Variants in SNTG2 observed in about 807,000 individuals in gnomAD.
The protein encoded by SNTG2 is gamma-2-syntrophin.
In SNTG2, 74 loss-of-function variants were observed where a neutral mutation model predicts 70.9. The observed-to-expected ratio is 1.04, with a 90% CI of 0.86 to 1.27. The LOEUF is 1.27. SNTG2 is among the 50% of genes most tolerant of loss of function. SNTG2 has a pLI of 0.00. For missense variants in SNTG2, 717 were observed against 690.7 expected, an observed-to-expected ratio of 1.04 and a Z score of -0.43; for synonymous variants, 278 against 273.8, an observed-to-expected ratio of 1.02 and a Z score of -0.15.
intron 6 of SNTG2, among the ~76,000 whole-genome samples, chr2:1,164,836 CGGA>C (rs142885855): frequency 5.9e-5 from 9 of 151,656 alleles, no homozygotes. Context: ...TACCTGGCCT[CGGA>C]GGAGGAGGAT....
At chr2:1,360,805 A>G (rs1661098191) in intron 16 of SNTG2, among the ~76,000 whole-genome samples, 2 of 152,104 alleles carry the variant, frequency 1.3e-5, no homozygotes, top group Admixed American at 1.3e-4. Flanking sequence ...TTTTCTTTCA[A>G]TATTTGTAGA....
intron 16 of SNTG2, among the ~76,000 whole-genome samples, chr2:1,366,220 CAAAG>C (rs1379616168): frequency 6.6e-6 from 1 of 152,104 alleles, no homozygotes; most frequent in Non-Finnish European, 1.5e-5. Flanking sequence ...GTTATGCAAA[CAAAG>C]AAGAAAGACA....
Position 1,062,264 on chromosome 2 carries a change from C to T in SNTG2, c.73-21254C>T, listed in dbSNP as rs533548334. ...GAACATGATCAAGCCCACTCTCAGC[C>T]GTGCACCAAGGATATACTTTTGTTG... On this transcript the variant is annotated intron_variant, in intron 1 of 16. Coordinates refer to ENST00000308624, the MANE Select transcript of SNTG2 (RefSeq NM_018968.4). Among the ~76,000 whole-genome samples, 6 of 152,236 alleles carry T rather than the reference C, an allele frequency of 3.9e-5. No homozygotes were observed. In the East Asian group the frequency reaches 5.8e-4, roughly 15 times the overall value.
chr2:1,218,017 G>A (rs112144963), intron 9 of SNTG2, among the ~76,000 whole-genome samples: 2,232 of 152,018 alleles, frequency 0.015, 53 homozygotes, highest in African/African-American at 0.049. Flanking sequence ...CAGGGTTGCT[G>A]GCAGAATTCA....
At chr2:1,348,544 C>A (rs1282217722) in intron 16 of SNTG2, among the ~76,000 whole-genome samples, 1 of 152,230 alleles carries the variant, frequency 6.6e-6, no homozygotes, top group Non-Finnish European at 1.5e-5. Context: ...CAATTGTCAA[C>A]AAGAAAATTT....
At chr2:1,301,528 C>T (rs965174190) in intron 14 of SNTG2, among the ~76,000 whole-genome samples, 1 of 152,086 alleles carries the variant, frequency 6.6e-6, no homozygotes, top group African/African-American at 2.4e-5. Flanking sequence ...AATTCCATAC[C>T]CAGATCCTTA....
intron 1 of SNTG2, among the ~76,000 whole-genome samples, chr2:982,471 A>G (rs1661138298): frequency 6.6e-6 from 1 of 151,904 alleles, no homozygotes; most frequent in Admixed American, 6.6e-5. Context: ...AACACCGGAG[A>G]CTCTGCAGGT....
chr2:1,251,615 C>CCA (rs1019474976), intron 12 of SNTG2, among the ~76,000 whole-genome samples: 1 of 148,230 alleles, frequency 6.7e-6, no homozygotes, highest in Non-Finnish European at 1.5e-5. Flanking sequence ...CATGCACACA[C>CCA]CACACACACC....
intron 1 of SNTG2, among the ~76,000 whole-genome samples, chr2:965,329 A>G (rs1169654711): frequency 4.5e-5 from 5 of 111,586 alleles, no homozygotes; most frequent in Admixed American, 9.2e-5. Flanking sequence ...CTTGGACCCC[A>G]ATCCTCCTCC....
chr2:1,137,068 A>T (rs2148330162), intron 4 of SNTG2, among the ~76,000 whole-genome samples: 1 of 152,340 alleles, frequency 6.6e-6, no homozygotes, highest in African/African-American at 2.4e-5. Context: ...GTCTTCTGTG[A>T]CTGGAAGGCA....
chr2:1,055,710 T>C (rs1261251788), intron 1 of SNTG2, among the ~76,000 whole-genome samples: 1 of 152,202 alleles, frequency 6.6e-6, no homozygotes, highest in Non-Finnish European at 1.5e-5. Flanking sequence ...GGAACAGTAA[T>C]TGATCTTATC....
intron 3 of SNTG2, 27 bp downstream of exon 3, chr2:1,098,279 G>C (rs11127460): frequency 4.3e-6 from 7 of 1,613,466 alleles, no homozygotes; most frequent in African/African-American, 1.3e-5. Flanking sequence ...CTCTATTCCT[G>C]CTTTTTATTT....
At chr2:1,154,956 C>CCA (rs140078047) in intron 6 of SNTG2, among the ~76,000 whole-genome samples, 6,574 of 146,968 alleles carry the variant, frequency 0.045, 259 homozygotes, top group South Asian at 0.17. Flanking sequence ...TAAACTCACA[C>CCA]CACACACAAA....
At chr2:956,296 G>A (rs1660156694) in intron 1 of SNTG2, among the ~76,000 whole-genome samples, 1 of 148,222 alleles carries the variant, frequency 6.7e-6, no homozygotes, top group South Asian at 2.1e-4. Context: ...CCCTGCGCCT[G>A]CCCCTGCTGG....
chr2:1,077,300 G>A lies in SNTG2; in HGVS notation c.73-6218G>A, dbSNP rs558636139. Among the ~76,000 whole-genome samples, 3 of 152,268 alleles carry A rather than the reference G, an allele frequency of 2.0e-5. No individual in the cohort carries two copies. The South Asian group carries it at 6.2e-4, about 32-fold the overall frequency. On this transcript the variant is annotated intron_variant, in intron 1 of 16. Transcript: ENST00000308624. The stretch of plus-strand genomic sequence containing the variant: ...TCACACACACCTGCCAACACCATAT[G>A]GACGTCCATGTCCGCACGTCTTTGC...
intron 9 of SNTG2, among the ~76,000 whole-genome samples, chr2:1,237,290 A>G (rs1335762026): frequency 6.6e-6 from 1 of 152,158 alleles, no homozygotes; most frequent in Non-Finnish European, 1.5e-5. Context: ...TGTACATGAC[A>G]TTTCTCTTTT....
intron 1 of SNTG2, among the ~76,000 whole-genome samples, chr2:972,196 A>C (rs767091422): frequency 6.6e-6 from 1 of 152,096 alleles, no homozygotes; most frequent in Non-Finnish European, 1.5e-5. Context: ...ATGTCTCTCT[A>C]GTTTTTGGCC....
chr2:1,263,157 C>G (rs1352480466), intron 13 of SNTG2, among the ~76,000 whole-genome samples: 1 of 152,090 alleles, frequency 6.6e-6, no homozygotes, highest in Non-Finnish European at 1.5e-5. Flanking sequence ...TCAGAGGAAT[C>G]AAAGAGCTAT....
chr2:959,654 C>T (rs1274108142), intron 1 of SNTG2, among the ~76,000 whole-genome samples: 1 of 150,218 alleles, frequency 6.7e-6, no homozygotes, highest in African/African-American at 2.5e-5. Flanking sequence ...GTGAACGGAG[C>T]AGACCAGTGT....
Sources: allele counts gnomAD v4.1 joint callset (sites outside exome capture counted in the v4.1 genomes callset), GRCh38; gene constraint gnomAD v4.1.1; transcripts MANE v1.5; gene names NCBI Gene and HGNC (gene_info 2026-07-23, HGNC 2026-07-21).